UGGT2: variants seen among roughly 807,000 people sequenced by gnomAD.
UGGT2 encodes the protein UDP-glucose glycoprotein glucosyltransferase 2, also known as UDP-glucose:glycoprotein glucosyltransferase 2.
A neutral mutation model predicts 192.1 loss-of-function variants in UGGT2; 180 were observed. The observed-to-expected ratio is 0.94, with a 90% CI of 0.83 to 1.06. The LOEUF is 1.06. UGGT2 is among the 50% of genes least tolerant of loss of function. UGGT2 has a pLI of 0.00. For missense variants in UGGT2, 1,849 were observed against 1,795.7 expected (o/e 1.03, Z -0.54); for synonymous variants, 580 against 591.0 (o/e 0.98, Z 0.27).
In UGGT2 at chr13:96,013,423, G is replaced by T. The variant is rs775807283; in HGVS notation, c.544C>A (p.Pro182Thr). ...ATTTCGGCATAGAGAATCACCACTG[G>T]TAAGTTCTCTTTGTTTGTAGGAAAT... The part of the protein sequence containing the change: ...HKFPTNKENL[P>T]VVILYAEMGT... Residue 182 changes from proline to threonine, a missense_variant, in exon 5 of 39, where the codon CCA becomes ACA. Physicochemically the swap from Pro to Thr is conservative, Grantham distance 38. Transcript: ENST00000376747. 8 of 1,606,122 alleles carry T rather than the reference G, an allele frequency of 5.0e-6. No homozygotes were observed. In the South Asian group the frequency reaches 7.9e-5, roughly 16 times the overall value.
At chr13:95,991,168 G>C (rs1198597905) in intron 7 of UGGT2, 1 of 197,618 alleles carries the variant, frequency 5.1e-6, no homozygotes, top group Non-Finnish European at 1.1e-5. Context: ...ATTGTGAATA[G>C]TGCTACAATC....
chr13:95,884,791 A>G, intron 26 of UGGT2, 111 bp from the exon 27 acceptor site: 1 of 1,066,732 alleles, frequency 9.4e-7, no homozygotes, highest in Non-Finnish European at 1.3e-6. Context: ...CTACAATCAA[A>G]AAGACTAAGA....
intron 38 of UGGT2, among the ~76,000 whole-genome samples, chr13:95,829,640 ACTAC>A (rs1886447859): frequency 6.6e-6 from 1 of 152,228 alleles, no homozygotes; most frequent in Non-Finnish European, 1.5e-5. Context: ...TTCAAAGAGA[ACTAC>A]AAACCACTGC....
In UGGT2 at chr13:96,047,990, T is replaced by G. The variant is rs554692989; in HGVS notation, c.158+5165A>C. On this transcript the variant is annotated intron_variant, in intron 1 of 38. Transcript: ENST00000376747. Reference sequence around the variant, plus strand: ...TCAGCTCTGCACCAAGCAGACCTAATAGACATCTACAGAACTCTCCACCCC... The same window carrying G: ...TCAGCTCTGCACCAAGCAGACCTAAGAGACATCTACAGAACTCTCCACCCC... Among the ~76,000 whole-genome samples, 3 of 152,272 alleles carry G rather than the reference T, an allele frequency of 2.0e-5. No individual in the cohort carries two copies. In the East Asian group the frequency reaches 5.8e-4, roughly 29 times the overall value.
intron 17 of UGGT2, among the ~76,000 whole-genome samples, chr13:95,935,512 G>A (rs1307510572): frequency 6.6e-6 from 1 of 152,116 alleles, no homozygotes; most frequent in Non-Finnish European, 1.5e-5. Flanking sequence ...TTAGTTTGAT[G>A]GGGTTCCCTT....
At chr13:95,896,574 G>C (rs970996016) in intron 22 of UGGT2, among the ~76,000 whole-genome samples, 4 of 152,080 alleles carry the variant, frequency 2.6e-5, no homozygotes, top group African/African-American at 9.6e-5. Context: ...AGTAACATTA[G>C]AATAAGGAAA....
At chr13:95,940,480 G>A (rs1343460593) in intron 15 of UGGT2, among the ~76,000 whole-genome samples, 3 of 137,490 alleles carry the variant, frequency 2.2e-5, no homozygotes, top group African/African-American at 8.2e-5. Flanking sequence ...TTTTGAGACA[G>A]GGTCTTACCA....
rs116816225 is a variant in UGGT2, at chr13:95,894,475, C to T, written c.2855+87G>A. On this transcript the variant is annotated intron_variant, in intron 24 of 38. Transcript: ENST00000376747. ...CCTAATAAATAACTTTTAATTCTACCTTAAATTTTACCATGTTATGAAAAC... is the reference window on the plus strand; with the variant it reads ...CCTAATAAATAACTTTTAATTCTACTTTAAATTTTACCATGTTATGAAAAC... 1.2e-4 allele frequency: 129 copies of T among 1,098,834 alleles called. 1 individual carries two copies. The African/African-American group carries it at 1.7e-3, about 14-fold the overall frequency. The allele number at this position is 1,098,834 out of a possible 1,614,324, so 68.1% of individuals were successfully genotyped here. A position where few individuals can be genotyped will look rare whatever the true frequency, so the allele number is the denominator to read the frequency against.
chr13:95,922,350 C>G lies in UGGT2; in HGVS notation c.2295+3330G>C, dbSNP rs138863613. ...CCACGAGAGTTGAAAAACTACCTAT[C>G]AGGTACTATGTTTGCTACTTGGAGA... On this transcript the variant is annotated intron_variant, in intron 20 of 38. Coordinates refer to ENST00000376747, the MANE Select transcript of UGGT2 (RefSeq NM_020121.4). Among the ~76,000 whole-genome samples the G allele has an allele frequency of 3.2e-3, 481 of 152,312 alleles. 3 individuals carry two copies. Among genetic ancestry groups the G allele is most frequent in the African/African-American group, 0.011 (459 of 41,564 alleles).
At chr13:95,851,155 G>T (rs1888992688) in intron 36 of UGGT2, among the ~76,000 whole-genome samples, 1 of 152,150 alleles carries the variant, frequency 6.6e-6, no homozygotes, top group African/African-American at 2.4e-5. Flanking sequence ...TTAGAATTAG[G>T]TGGCTTCCTG....
intron 20 of UGGT2, among the ~76,000 whole-genome samples, chr13:95,906,809 C>T (rs1271963153): frequency 2.0e-5 from 3 of 152,166 alleles, no homozygotes; most frequent in East Asian, 1.9e-4. Context: ...CAGATGGGGG[C>T]GTTCCAAGAT....
chr13:95,954,725 AT>A (rs1420107998), intron 12 of UGGT2, among the ~76,000 whole-genome samples: 1 of 152,086 alleles, frequency 6.6e-6, no homozygotes, highest in African/African-American at 2.4e-5. Context: ...ACATATATCA[AT>A]TGATGTCTTA....
intron 12 of UGGT2, among the ~76,000 whole-genome samples, chr13:95,954,988 G>A (rs2050171739): frequency 6.6e-6 from 1 of 152,216 alleles, no homozygotes; most frequent in African/African-American, 2.4e-5. Flanking sequence ...CTTGTAATGT[G>A]TAACAGTTGT....
Position 95,854,461 on chromosome 13 carries a change from A to G in UGGT2, c.4023T>C (p.Asp1341=). The G allele has an allele frequency of 6.2e-7, 1 of 1,608,340 alleles. No individual in the cohort carries two copies. The highest frequency in any genetic ancestry group is 1.3e-5 in the African/African-American group (1 of 74,776). ...FVDADQIVRH[D]LKELRDFDLD... Reference sequence around the variant, plus strand: ...GATCGAAATCTCGAAGTTCTTTTAGATCATGTCTCACAATCTAAATAATTA... The same window carrying G: ...GATCGAAATCTCGAAGTTCTTTTAGGTCATGTCTCACAATCTAAATAATTA... The change falls in exon 35 of 39, where the codon GAT becomes GAC. Residue 1341 remains aspartate, a synonymous_variant. Transcript: ENST00000376747.
At position 96,007,264 on chromosome 13, in the gene UGGT2, T is replaced by TC. The variant is rs553021305; in HGVS notation, c.660+6042dup. On this transcript the variant is annotated intron_variant, in intron 5 of 38. Coordinates refer to ENST00000376747, the MANE Select transcript of UGGT2 (RefSeq NM_020121.4). Reference sequence around the variant, plus strand: ...TCAACATCTCTTTCTGACAAGTCCCTCCCCCCCAACAAACTAGGTATAGAG... The same window carrying TC: ...TCAACATCTCTTTCTGACAAGTCCCTCCCCCCCCAACAAACTAGGTATAGAG... 1.6e-4 allele frequency among the ~76,000 whole-genome samples: 25 copies of TC among 151,574 alleles called. No individual in the cohort carries two copies. In the East Asian group the frequency reaches 2.9e-3, roughly 18 times the overall value.
At position 95,884,689 on chromosome 13, in the gene UGGT2, A is replaced by G. The variant is rs1217749241; in HGVS notation, c.3039-9T>C. ...GAACAAAACGGTAAAAGCTGTTAAT[A>G]AAACATAAAAATACATAATGTGACC... On this transcript the variant is annotated splice_polypyrimidine_tract_variant and intron_variant, in intron 26 of 38. Coordinates refer to ENST00000376747, the MANE Select transcript of UGGT2 (RefSeq NM_020121.4). The G allele has an allele frequency of 3.4e-5, 54 of 1,591,724 alleles. No individual in the cohort carries two copies. Among genetic ancestry groups the G allele is most frequent in the Non-Finnish European group, 4.5e-5 (53 of 1,172,344 alleles).
intron 10 of UGGT2, among the ~76,000 whole-genome samples, chr13:95,976,120 G>A (rs1490269084): frequency 8.6e-5 from 13 of 151,972 alleles, no homozygotes; most frequent in Admixed American, 5.9e-4. Flanking sequence ...AATAACCATC[G>A]TTCTACTCTC....
chr13:96,032,032 A>G (rs1655342441), intron 1 of UGGT2, 61 bp from the exon 2 acceptor site: 1 of 1,265,980 alleles, frequency 7.9e-7, no homozygotes. Context: ...TAGATACTAT[A>G]AACTGTACTC....
At chr13:95,871,085 A>G (rs1157737296) in intron 29 of UGGT2, among the ~76,000 whole-genome samples, 1 of 152,366 alleles carries the variant, frequency 6.6e-6, no homozygotes, top group Non-Finnish European at 1.5e-5. Context: ...TAAACAAAAA[A>G]TGAATGTGAA....
Sources: allele counts gnomAD v4.1 joint callset (sites outside exome capture counted in the v4.1 genomes callset), GRCh38; gene constraint gnomAD v4.1.1; transcripts MANE v1.5; gene names NCBI Gene and HGNC (gene_info 2026-07-23, HGNC 2026-07-21).